FAP: variants seen among roughly 807,000 people sequenced by gnomAD.
FAP encodes the protein prolyl endopeptidase FAP.
Under a neutral mutation model 126.5 loss-of-function variants are expected in FAP, and 110 were observed. That is an observed-to-expected ratio of 0.87 (90% CI 0.74 to 1.02). The LOEUF (loss-of-function observed/expected upper bound fraction) is 1.02. Ranked by LOEUF, FAP falls within the 50% of genes least tolerant of loss-of-function variation. FAP has a pLI of 0.00. For synonymous variants in FAP, 334 were observed against 297.3 expected, an observed-to-expected ratio of 1.12 and a Z score of -1.27; for missense variants, 919 against 909.2, an observed-to-expected ratio of 1.01 and a Z score of -0.14.
At chr2:162,199,009 T>C in intron 15 of FAP, 128 bp from the exon 16 acceptor site, 1 of 754,966 alleles carries the variant, frequency 1.3e-6, no homozygotes, top group Non-Finnish European at 2.1e-6. Context: ...GTTGCCAATA[T>C]CATTTAAAGT....
intron 22 of FAP, among the ~76,000 whole-genome samples, chr2:162,173,991 T>C (rs986657879): frequency 3.3e-5 from 5 of 152,164 alleles, no homozygotes; most frequent in Admixed American, 1.3e-4. Flanking sequence ...TAGAGAAGTA[T>C]GAAGGAAGAG....
At chr2:162,184,425 G>A (rs1439149646) in intron 20 of FAP, among the ~76,000 whole-genome samples, 1 of 152,212 alleles carries the variant, frequency 6.6e-6, no homozygotes, top group Non-Finnish European at 1.5e-5. Context: ...GTAGAACTGA[G>A]TGATTTTCAT....
chr2:162,218,860 T>G (rs1689267498), intron 8 of FAP, among the ~76,000 whole-genome samples: 1 of 152,086 alleles, frequency 6.6e-6, no homozygotes, highest in Non-Finnish European at 1.5e-5. Context: ...GTGATGTTAT[T>G]GAGAATCAAT....
chr2:162,211,901 C>T (rs766718451), intron 11 of FAP, among the ~76,000 whole-genome samples: 3 of 152,020 alleles, frequency 2.0e-5, no homozygotes, highest in Non-Finnish European at 4.4e-5. Context: ...ATATTGTTTT[C>T]AAAGTGTGTG....
chr2:162,225,551 C>T lies in FAP; in HGVS notation c.217G>A (p.Asp73Asn). 3 of 1,599,426 alleles carry T rather than the reference C, an allele frequency of 1.9e-6. No individual in the cohort carries two copies. The East Asian group carries it at 6.7e-5, about 36-fold the overall frequency. Residue 73 changes from aspartate (D) to asparagine (N), a missense_variant, in exon 4 of 26, where the codon GAT (aspartate) becomes AAT (asparagine). Physicochemically the swap from Asp to Asn is conservative, Grantham distance 23. Transcript: ENST00000188790. The part of the protein sequence containing the change: ...SGQEYLHQSA[D>N]NNIVLYNIET... ...ATATTATAAAGTACTATATTGTTAT[C>T]TGCAGATTGATGAAGATATTCTTGT...
intron 10 of FAP, among the ~76,000 whole-genome samples, chr2:162,214,654 G>C (rs1283632923): frequency 6.6e-6 from 1 of 150,442 alleles, no homozygotes; most frequent in Non-Finnish European, 1.5e-5. Flanking sequence ...CTCTGAGCAT[G>C]AACTAGTAGG....
rs1407988930 is a variant in FAP at position 162,188,237 on chromosome 2, G to A, written c.1746C>T (p.Asp582=). 6 of 1,613,316 alleles carry A rather than the reference G, an allele frequency of 3.7e-6. No individual in the cohort carries two copies. The highest frequency in any genetic ancestry group is 5.1e-6 in the Non-Finnish European group (6 of 1,179,514). The change falls in exon 20 of 26, where the codon GAC becomes GAT. Residue 582 remains aspartate, a synonymous_variant. Transcript: ENST00000188790. ...TTCGATACACTGCATAGAGGAGTTT[G>A]TCACCTTGGAAAGCTGTTCCTCGAC... ...VDGRGTAFQG[D]KLLYAVYRKL...
intron 14 of FAP, 34 bp downstream of exon 14, chr2:162,202,838 C>T: frequency 6.5e-7 from 1 of 1,547,734 alleles, no homozygotes; most frequent in Non-Finnish European, 8.9e-7. Context: ...CAATTAAAAC[C>T]TGAATGGTGC....
intron 21 of FAP, 139 bp downstream of exon 21, chr2:162,183,275 A>T: frequency 5.4e-6 from 4 of 746,738 alleles, no homozygotes; most frequent in Non-Finnish European, 2.3e-6. Flanking sequence ...AGCCCAGATT[A>T]TCCAAACTGA....
chr2:162,215,323 A>G (rs1380770102), intron 10 of FAP, among the ~76,000 whole-genome samples: 3 of 152,220 alleles, frequency 2.0e-5, no homozygotes, highest in Non-Finnish European at 2.9e-5. Context: ...CACTTCAACC[A>G]GAAAGACCAC....
intron 10 of FAP, among the ~76,000 whole-genome samples, chr2:162,214,959 C>A (rs531526719): frequency 1.3e-5 from 2 of 152,234 alleles, no homozygotes; most frequent in African/African-American, 4.8e-5. Context: ...TAGTATTTTA[C>A]AGCTGTTCAA....
chr2:162,184,320 G>A (rs1429472466), intron 20 of FAP, among the ~76,000 whole-genome samples: 2 of 152,166 alleles, frequency 1.3e-5, no homozygotes, highest in African/African-American at 4.8e-5. Flanking sequence ...AAGGAGGGGA[G>A]AAGACCAAAG....
intron 6 of FAP, among the ~76,000 whole-genome samples, chr2:162,222,317 T>C (rs1689440008): frequency 6.6e-6 from 1 of 152,156 alleles, no homozygotes; most frequent in Admixed American, 6.5e-5. Flanking sequence ...GTGTTTCACA[T>C]AGAAGGGGCT....
chr2:162,238,463 CAA>C (rs1690225600), intron 2 of FAP, among the ~76,000 whole-genome samples: 1 of 152,152 alleles, frequency 6.6e-6, no homozygotes, highest in South Asian at 2.1e-4. Context: ...TGGCGAAACT[CAA>C]AGGGAGTTTG....
intron 6 of FAP, among the ~76,000 whole-genome samples, chr2:162,223,153 T>A (rs1465290534): frequency 6.6e-6 from 1 of 152,142 alleles, no homozygotes; most frequent in Admixed American, 6.6e-5. Flanking sequence ...ATGTTAACAT[T>A]TTGTCATTTT....
chr2:162,229,029 T>C (rs1225790625), intron 2 of FAP, among the ~76,000 whole-genome samples: 1 of 152,156 alleles, frequency 6.6e-6, no homozygotes, highest in Admixed American at 6.5e-5. Flanking sequence ...TTTTAAAGAA[T>C]GTTTTTGATA....
intron 14 of FAP, among the ~76,000 whole-genome samples, chr2:162,201,542 C>CG (rs1171542847): frequency 1.3e-5 from 2 of 152,164 alleles, no homozygotes; most frequent in African/African-American, 4.8e-5. Flanking sequence ...CAACAGCCCC[C>CG]GGCCACTTCC....
At chr2:162,237,463 T>C (rs1244159135) in intron 2 of FAP, among the ~76,000 whole-genome samples, 1 of 152,098 alleles carries the variant, frequency 6.6e-6, no homozygotes, top group Admixed American at 6.5e-5. Context: ...AGTGAGAACA[T>C]GCAGTGTTCG....
intron 2 of FAP, among the ~76,000 whole-genome samples, chr2:162,232,622 G>A (rs745682443): frequency 6.6e-6 from 1 of 152,148 alleles, no homozygotes; most frequent in Non-Finnish European, 1.5e-5. Context: ...CCTACTTGAA[G>A]AATGTCTCAG....
Sources: allele counts gnomAD v4.1 joint callset (sites outside exome capture counted in the v4.1 genomes callset), GRCh38; gene constraint gnomAD v4.1.1; transcripts MANE v1.5; gene names NCBI Gene and HGNC (gene_info 2026-07-23, HGNC 2026-07-21).